The following CDH13 variants were observed in gnomAD, a reference collection of about 807,000 sequenced individuals.
The protein encoded by CDH13 is cadherin-13.
CDH13 carries 24 observed loss-of-function variants against 63.8 expected under a neutral mutation model. The ratio of observed to expected loss-of-function variants is 0.38; its 90% CI spans 0.27 to 0.53. The LOEUF (loss-of-function observed/expected upper bound fraction) is 0.53. Ranked by LOEUF, CDH13 falls within the 20% of genes least tolerant of loss-of-function variation. The pLI is 0.85. For missense variants in CDH13, 1,049 were observed against 903.1 expected (o/e 1.16, Z -2.07); for synonymous variants, 503 against 355.3 (o/e 1.42, Z -4.67).
At chr16:83,308,024 G>A (rs866408334) in intron 5 of CDH13, among the ~76,000 whole-genome samples, 1 of 152,044 alleles carries the variant, frequency 6.6e-6, no homozygotes, top group South Asian at 2.1e-4. Context: ...TAAATCATTG[G>A]CGTGTATTAC....
intron 8 of CDH13, among the ~76,000 whole-genome samples, chr16:83,627,909 C>G (rs1910458964): frequency 6.6e-6 from 1 of 152,156 alleles, no homozygotes; most frequent in Admixed American, 6.5e-5. Flanking sequence ...GCAGATTATT[C>G]AAGACTTTTC....
intron 3 of CDH13, among the ~76,000 whole-genome samples, chr16:83,076,372 G>A (rs992448236): frequency 1.3e-5 from 2 of 152,180 alleles, no homozygotes; most frequent in Non-Finnish European, 2.9e-5. Flanking sequence ...TTCAGAGCTT[G>A]TTGCTGGGGA....
chr16:83,330,172 T>G (rs76719419), intron 5 of CDH13, among the ~76,000 whole-genome samples: 2 of 152,130 alleles, frequency 1.3e-5, no homozygotes, highest in East Asian at 1.9e-4. Flanking sequence ...AATAAAATTA[T>G]GTATAACTAA....
chr16:83,673,545 T>C (rs1043946863), intron 9 of CDH13, among the ~76,000 whole-genome samples: 2 of 150,810 alleles, frequency 1.3e-5, no homozygotes, highest in African/African-American at 2.5e-5. Flanking sequence ...TAACCAACCT[T>C]GGCAACAGAG....
intron 2 of CDH13, among the ~76,000 whole-genome samples, chr16:82,918,853 C>T (rs550016779): frequency 6.6e-6 from 1 of 152,118 alleles, no homozygotes; most frequent in African/African-American, 2.4e-5. Flanking sequence ...TTGCTCCTCT[C>T]CAGAGTTTGT....
At chr16:83,740,984 A>G (rs1338205886) in intron 10 of CDH13, among the ~76,000 whole-genome samples, 1 of 152,250 alleles carries the variant, frequency 6.6e-6, no homozygotes, top group Admixed American at 6.5e-5. Context: ...AGGCAGGTCC[A>G]GATGGATCCT....
At chr16:83,274,021 C>T (rs1482024887) in intron 5 of CDH13, among the ~76,000 whole-genome samples, 2 of 152,202 alleles carry the variant, frequency 1.3e-5, no homozygotes, top group Non-Finnish European at 2.9e-5. Context: ...CTCTCCACCA[C>T]TTACCTGGGG....
chr16:82,652,237 G>T (rs925250182), intron 1 of CDH13, among the ~76,000 whole-genome samples: 2 of 152,162 alleles, frequency 1.3e-5, no homozygotes, highest in Admixed American at 1.3e-4. Flanking sequence ...TGTCATCCTA[G>T]CCTGTCATGG....
chr16:83,329,161 A>T (rs915941309), intron 5 of CDH13, among the ~76,000 whole-genome samples: 9 of 152,224 alleles, frequency 5.9e-5, no homozygotes, highest in African/African-American at 2.2e-4. Context: ...TTGTGGTTGA[A>T]TTTCAGAAAT....
At chr16:82,664,578 A>G (rs909017948) in intron 1 of CDH13, among the ~76,000 whole-genome samples, 1 of 152,196 alleles carries the variant, frequency 6.6e-6, no homozygotes, top group Non-Finnish European at 1.5e-5. Context: ...GAGCCTTTAC[A>G]TTTGATGACT....
intron 4 of CDH13, among the ~76,000 whole-genome samples, chr16:83,197,580 A>G (rs907952892): frequency 3.3e-5 from 5 of 152,130 alleles, no homozygotes; most frequent in African/African-American, 4.8e-5. Context: ...GAAATGGAGA[A>G]CAGATCAGTG....
chr16:83,524,893 T>C (rs75787546), intron 7 of CDH13, among the ~76,000 whole-genome samples: 1 of 152,162 alleles, frequency 6.6e-6, no homozygotes, highest in Admixed American at 6.5e-5. Flanking sequence ...AGAAATCATA[T>C]GAGTGGGTTC....
intron 2 of CDH13, among the ~76,000 whole-genome samples, chr16:82,970,683 G>A (rs1908607563): frequency 6.6e-6 from 1 of 151,938 alleles, no homozygotes; most frequent in Non-Finnish European, 1.5e-5. Flanking sequence ...TATTCTTAAG[G>A]GCTCAGCTTA....
intron 7 of CDH13, among the ~76,000 whole-genome samples, chr16:83,546,393 G>A (rs1030142692): frequency 6.6e-6 from 1 of 150,592 alleles, no homozygotes; most frequent in Non-Finnish European, 1.5e-5. Flanking sequence ...TTTATTTTCG[G>A]TTGTACCTGT....
chr16:82,674,768 A>G (rs969444851), intron 1 of CDH13, among the ~76,000 whole-genome samples: 1 of 152,252 alleles, frequency 6.6e-6, no homozygotes, highest in Admixed American at 6.5e-5. Context: ...AAAGAAAGAC[A>G]GGAGGAACTA....
intron 11 of CDH13, among the ~76,000 whole-genome samples, chr16:83,778,675 A>G (rs1915289395): frequency 6.6e-6 from 1 of 152,186 alleles, no homozygotes; most frequent in Non-Finnish European, 1.5e-5. Context: ...TCCAAAGATT[A>G]TATGATGATT....
intron 1 of CDH13, among the ~76,000 whole-genome samples, chr16:82,635,788 C>A (rs949994544): frequency 6.6e-6 from 1 of 152,078 alleles, no homozygotes; most frequent in Non-Finnish European, 1.5e-5. Flanking sequence ...GGAGGTGAAG[C>A]CCAGTGGGAG....
intron 6 of CDH13, among the ~76,000 whole-genome samples, chr16:83,432,558 A>G (rs967000132): frequency 6.6e-6 from 1 of 152,204 alleles, no homozygotes; most frequent in Admixed American, 6.5e-5. Context: ...AGAGTGGGTG[A>G]AACGAGCTTC....
At chr16:82,765,483 C>A (rs1474099359) in intron 1 of CDH13, among the ~76,000 whole-genome samples, 2 of 152,142 alleles carry the variant, frequency 1.3e-5, no homozygotes, top group African/African-American at 2.4e-5. Context: ...AACTGAAAAT[C>A]CGCTGACAGC....
Sources: gnomAD v4.1 joint callset for allele counts (sites outside exome capture counted in the v4.1 genomes callset) on GRCh38, gnomAD v4.1.1 for gene constraint, MANE v1.5 for transcripts, NCBI Gene and HGNC (gene_info 2026-07-23, HGNC 2026-07-21) for gene names.